The following SGMS2 variants were observed in gnomAD, a reference collection of about 807,000 sequenced individuals.
The protein encoded by SGMS2 is phosphatidylcholine:ceramide cholinephosphotransferase 2.
In SGMS2, 21 loss-of-function variants were observed where a neutral mutation model predicts 43.8. The ratio of observed to expected loss-of-function variants is 0.48; its 90% CI spans 0.34 to 0.69. The LOEUF (loss-of-function observed/expected upper bound fraction) is 0.69. Among genes scored for constraint, SGMS2 ranks in the 30% least tolerant of loss-of-function variants. The pLI, the probability that SGMS2 is intolerant of heterozygous loss-of-function variation, is 0.01. For synonymous variants in SGMS2, 167 were observed against 160.6 expected (o/e 1.04, Z -0.30); for missense variants, 384 against 443.2 (o/e 0.87, Z 1.20).
At chr4:107,901,461 A>G (rs571367536) in intron 4 of SGMS2, among the ~76,000 whole-genome samples, 2 of 152,318 alleles carry the variant, frequency 1.3e-5, no homozygotes, top group South Asian at 4.1e-4. Context: ...GAGTATAAGC[A>G]TGGCAGAACT....
At chr4:107,864,161 C>A (rs943535323) in intron 2 of SGMS2, 14 of 152,234 alleles carry the variant, frequency 9.2e-5, no homozygotes, top group Non-Finnish European at 1.8e-4. Flanking sequence ...TCAATCTGAT[C>A]TTTAAGAGTT....
intron 1 of SGMS2, among the ~76,000 whole-genome samples, chr4:107,857,703 A>G (rs1246445817): frequency 6.6e-6 from 1 of 152,182 alleles, no homozygotes; most frequent in Non-Finnish European, 1.5e-5. Context: ...TAAAAAATCC[A>G]TTGAAAGACT....
intron 2 of SGMS2, 169 bp downstream of exon 2, chr4:107,858,722 C>CT (rs1727560642): frequency 6.6e-6 from 1 of 152,210 alleles, no homozygotes; most frequent in East Asian, 1.9e-4. Context: ...TGTCGTAACT[C>CT]TGAGAATTTT....
In SGMS2 at chr4:107,895,303, C is replaced by A; in HGVS notation, c.-244-7C>A. The stretch of plus-strand genomic sequence containing the variant: ...AGTTTCTGAACATAATTTTGTTTTG[C>A]TTTTAGGTGGGATAGTAACATCTTT... On this transcript the variant is annotated splice_region_variant and splice_polypyrimidine_tract_variant and intron_variant, in intron 2 of 6. Transcript: ENST00000690982. 1 of 440,632 alleles carries A rather than the reference C, an allele frequency of 2.3e-6. No homozygotes were observed. The highest frequency in any genetic ancestry group is 4.0e-6 in the Non-Finnish European group (1 of 250,634). The allele number at this position is 440,632 out of a possible 1,614,324, so 27.3% of individuals were successfully genotyped here. A position where few individuals can be genotyped will look rare whatever the true frequency, so the allele number is the denominator to read the frequency against.
chr4:107,852,030 C>T (rs551297528), intron 1 of SGMS2, among the ~76,000 whole-genome samples: 9 of 151,950 alleles, frequency 5.9e-5, no homozygotes, highest in Non-Finnish European at 1.0e-4. Flanking sequence ...CGTTTTTATC[C>T]TCGGAGCATA....
Position 107,883,318 on chromosome 4 carries a change from C to CT in SGMS2, c.-244-11984dup, listed in dbSNP as rs543238009. Among the ~76,000 whole-genome samples the CT allele has an allele frequency of 1.2e-3, 188 of 152,016 alleles. 1 individual carries two copies. Among genetic ancestry groups the CT allele is most frequent in the East Asian group, 5.6e-3 (29 of 5,160 alleles). ...GAAGTTTCTTCTTAATTTGATACTTCTTTTTTTTATTTTTGAAATAGAGTC... is the reference window on the plus strand; with the variant it reads ...GAAGTTTCTTCTTAATTTGATACTTCTTTTTTTTTATTTTTGAAATAGAGTC... On this transcript the variant is annotated intron_variant, in intron 2 of 6. Transcript: ENST00000690982.
chr4:107,869,584 A>G (rs924215699), intron 2 of SGMS2, among the ~76,000 whole-genome samples: 4 of 152,296 alleles, frequency 2.6e-5, no homozygotes, highest in Non-Finnish European at 4.4e-5. Context: ...AGAACAAGTA[A>G]TTGGATAAAG....
chr4:107,898,368 A>G (rs1033518819), intron 3 of SGMS2, among the ~76,000 whole-genome samples: 12 of 152,164 alleles, frequency 7.9e-5, no homozygotes, highest in Admixed American at 6.6e-4. Flanking sequence ...AGAAGTTCCA[A>G]ATGTTATCTG....
At chr4:107,850,984 T>C (rs1050648531) in intron 1 of SGMS2, among the ~76,000 whole-genome samples, 2 of 152,320 alleles carry the variant, frequency 1.3e-5, no homozygotes, top group Admixed American at 1.3e-4. Flanking sequence ...CTCTCTTTCA[T>C]ATGGACACCA....
chr4:107,849,768 A>G (rs1727035073), intron 1 of SGMS2, among the ~76,000 whole-genome samples: 2 of 152,198 alleles, frequency 1.3e-5, no homozygotes, highest in African/African-American at 4.8e-5. Flanking sequence ...GCTTGTTTTC[A>G]TCATATTTCC....
chr4:107,856,118 C>T (rs1319358048), intron 1 of SGMS2, among the ~76,000 whole-genome samples: 1 of 152,166 alleles, frequency 6.6e-6, no homozygotes, highest in Non-Finnish European at 1.5e-5. Context: ...ATCAAGAAAC[C>T]TTCTCTATAT....
chr4:107,908,752 T>G, intron 6 of SGMS2, 21 bp downstream of exon 6: 1 of 1,602,980 alleles, frequency 6.2e-7, no homozygotes, highest in Non-Finnish European at 8.5e-7. Flanking sequence ...TGAAGATGCT[T>G]GGATAATTTC....
chr4:107,873,544 A>AT (rs1320992072), intron 2 of SGMS2: 2 of 151,860 alleles, frequency 1.3e-5, no homozygotes, highest in Non-Finnish European at 2.9e-5. Flanking sequence ...GAAAGCCTTG[A>AT]TTATATAAAT....
chr4:107,855,447 T>A (rs569085148), intron 1 of SGMS2, among the ~76,000 whole-genome samples: 9 of 152,178 alleles, frequency 5.9e-5, no homozygotes, highest in Non-Finnish European at 1.3e-4. Context: ...TCTTTGTTGA[T>A]TGTTCAGGAG....
At chr4:107,864,794 G>C (rs971456672) in intron 2 of SGMS2, among the ~76,000 whole-genome samples, 4 of 152,128 alleles carry the variant, frequency 2.6e-5, no homozygotes, top group African/African-American at 9.7e-5. Context: ...AATATATAAA[G>C]TGCTTCACTG....
chr4:107,875,553 G>A (rs2341339), intron 2 of SGMS2, among the ~76,000 whole-genome samples: 56,672 of 151,992 alleles, frequency 0.37, 11,339 homozygotes, highest in Non-Finnish European at 0.45. Flanking sequence ...AAGAATAGCT[G>A]ATGGATGCTG....
intron 2 of SGMS2, among the ~76,000 whole-genome samples, chr4:107,876,593 T>C (rs1181782858): frequency 2.6e-5 from 4 of 152,228 alleles, no homozygotes; most frequent in Admixed American, 1.3e-4. Flanking sequence ...TGGTATGAAA[T>C]ATATACACTG....
intron 4 of SGMS2, among the ~76,000 whole-genome samples, chr4:107,900,658 G>T (rs1170808481): frequency 6.6e-6 from 1 of 152,128 alleles, no homozygotes; most frequent in Non-Finnish European, 1.5e-5. Flanking sequence ...GGACTTCAGT[G>T]CACCCTGGTT....
rs572965470 is a variant in SGMS2 at position 107,912,741 on chromosome 4, C to G, written c.*2188C>G. On this transcript the variant is annotated 3_prime_UTR_variant, in exon 7 of 7. Transcript: ENST00000690982. Reference sequence around the variant, plus strand: ...TACTACAGATCCTTGAAACAGTAAGCCTTGGATTTTAGTCAAGTAATCCAG... The same window carrying G: ...TACTACAGATCCTTGAAACAGTAAGGCTTGGATTTTAGTCAAGTAATCCAG... 4 of 152,040 alleles carry G rather than the reference C, an allele frequency of 2.6e-5. No homozygotes were observed. In the South Asian group the frequency reaches 6.2e-4, roughly 24 times the overall value. 9.4% of individuals were successfully genotyped at this position (152,040 alleles called of 1,614,324 possible).
Sources: gnomAD v4.1 joint callset for allele counts (sites outside exome capture counted in the v4.1 genomes callset) on GRCh38, gnomAD v4.1.1 for gene constraint, MANE v1.5 for transcripts, NCBI Gene and HGNC (gene_info 2026-07-23, HGNC 2026-07-21) for gene names.